Variants in FGF14 observed in about 807,000 individuals in gnomAD.
The protein encoded by FGF14 is fibroblast growth factor 14.
A neutral mutation model predicts 25.5 loss-of-function variants in FGF14; 5 were observed. The ratio of observed to expected loss-of-function variants is 0.20; its 90% CI spans 0.10 to 0.41. FGF14 has a LOEUF of 0.41. Ranked by LOEUF, FGF14 falls within the 10% of genes least tolerant of loss-of-function variation. FGF14 has a pLI of 1.00. For synonymous variants in FGF14, 138 were observed against 118.3 expected (o/e 1.17, Z -1.08); for missense variants, 222 against 320.1 (o/e 0.69, Z 2.34).
intron 3 of FGF14, among the ~76,000 whole-genome samples, chr13:101,856,505 T>C (rs1210587151): frequency 2.0e-5 from 3 of 151,922 alleles, no homozygotes; most frequent in African/African-American, 7.2e-5. Flanking sequence ...AGTGAAATGT[T>C]AAATGGCAAT....
intron 1 of FGF14, among the ~76,000 whole-genome samples, chr13:102,008,254 ATCT>A (rs1391939818): frequency 6.6e-6 from 1 of 152,228 alleles, no homozygotes; most frequent in East Asian, 1.9e-4. Context: ...CAATGGAATG[ATCT>A]TCTGAATATC....
intron 1 of FGF14, among the ~76,000 whole-genome samples, chr13:102,019,950 T>C (rs930106663): frequency 1.3e-5 from 2 of 152,138 alleles, no homozygotes; most frequent in African/African-American, 2.4e-5. Flanking sequence ...AAAGTAATTT[T>C]ATTTTTGTCA....
chr13:101,958,609 C>T (rs929658145), intron 1 of FGF14, among the ~76,000 whole-genome samples: 5 of 152,164 alleles, frequency 3.3e-5, no homozygotes, highest in African/African-American at 7.2e-5. Flanking sequence ...CACAAGTCTT[C>T]GACTCTGACT....
chr13:102,070,206 A>C (rs1271041673), intron 1 of FGF14, among the ~76,000 whole-genome samples: 1 of 152,242 alleles, frequency 6.6e-6, no homozygotes, highest in Non-Finnish European at 1.5e-5. Flanking sequence ...ATCTGATTAC[A>C]AAATGGGCAA....
At chr13:102,264,105 C>G (rs1217430986) in intron 1 of FGF14, among the ~76,000 whole-genome samples, 1 of 151,404 alleles carries the variant, frequency 6.6e-6, no homozygotes, top group African/African-American at 2.4e-5. Context: ...ATTCGGGGAA[C>G]CAATTTTAGA....
At chr13:102,154,702 A>G (rs1453590723) in intron 1 of FGF14, among the ~76,000 whole-genome samples, 1 of 152,210 alleles carries the variant, frequency 6.6e-6, no homozygotes, top group Non-Finnish European at 1.5e-5. Flanking sequence ...AAATGCTCCA[A>G]TTAAAAGACA....
chr13:102,117,511 T>C (rs563070557), intron 1 of FGF14, among the ~76,000 whole-genome samples: 1 of 152,272 alleles, frequency 6.6e-6, no homozygotes, highest in East Asian at 1.9e-4. Context: ...GTAATCAAGG[T>C]AGAAATTTAC....
intron 1 of FGF14, among the ~76,000 whole-genome samples, chr13:102,379,827 GTTTATCT>G (rs2058138125): frequency 6.6e-6 from 1 of 152,004 alleles, no homozygotes; most frequent in African/African-American, 2.4e-5. Flanking sequence ...AAAACAAAAG[GTTTATCT>G]TTTAAGAGAA....
chr13:101,811,004 T>A (rs2041473855), intron 3 of FGF14, among the ~76,000 whole-genome samples: 1 of 151,754 alleles, frequency 6.6e-6, no homozygotes, highest in Non-Finnish European at 1.5e-5. Context: ...ATTTTCCATA[T>A]GCATCCTGCT....
intron 1 of FGF14, among the ~76,000 whole-genome samples, chr13:102,048,452 C>A (rs1489081996): frequency 6.6e-6 from 1 of 152,088 alleles, no homozygotes; most frequent in Non-Finnish European, 1.5e-5. Context: ...ATGTTTTATG[C>A]CCACAACATT....
At chr13:102,051,022 G>T (rs185005153) in intron 1 of FGF14, among the ~76,000 whole-genome samples, 70 of 152,268 alleles carry the variant, frequency 4.6e-4, no homozygotes, top group African/African-American at 1.5e-3. Context: ...TAGCTACCAC[G>T]TCTCCCAAAC....
intron 1 of FGF14, among the ~76,000 whole-genome samples, chr13:102,398,047 TG>T (rs1469453886): frequency 6.6e-6 from 1 of 151,304 alleles, no homozygotes; most frequent in East Asian, 1.9e-4. Flanking sequence ...TGTGTGTGTG[TG>T]TGTTCTCTGA....
At chr13:101,802,502 G>T in intron 3 of FGF14, 1 of 162,880 alleles carries the variant, frequency 6.1e-6, no homozygotes, top group Non-Finnish European at 1.3e-5. Flanking sequence ...GGAGAGTGCT[G>T]TAACTGACAC....
At chr13:101,762,641 C>T (rs949065888) in intron 3 of FGF14, among the ~76,000 whole-genome samples, 3 of 152,182 alleles carry the variant, frequency 2.0e-5, no homozygotes, top group South Asian at 2.1e-4. Flanking sequence ...GCTGGCCCAT[C>T]GGCATTGCTG....
At chr13:101,846,227 A>G (rs2140337408) in intron 3 of FGF14, among the ~76,000 whole-genome samples, 1 of 152,104 alleles carries the variant, frequency 6.6e-6, no homozygotes, top group African/African-American at 2.4e-5. Flanking sequence ...TGTTTTGACC[A>G]CAAAGCTCCA....
intron 3 of FGF14, among the ~76,000 whole-genome samples, chr13:101,830,401 C>A (rs1478145259): frequency 6.6e-6 from 1 of 152,028 alleles, no homozygotes; most frequent in African/African-American, 2.4e-5. Context: ...AAGTACAGGT[C>A]CCTGGCAGGC....
chr13:102,240,817 C>A (rs952340978), intron 1 of FGF14, among the ~76,000 whole-genome samples: 19 of 151,726 alleles, frequency 1.3e-4, no homozygotes, highest in Non-Finnish European at 2.2e-4. Context: ...ATGGAATAAA[C>A]AAAATTAGGA....
intron 1 of FGF14, among the ~76,000 whole-genome samples, chr13:102,212,097 T>A (rs1437409914): frequency 6.6e-6 from 1 of 152,146 alleles, no homozygotes; most frequent in Non-Finnish European, 1.5e-5. Flanking sequence ...TGACCCTGAT[T>A]CCAATTCCCC....
chr13:101,893,486 G>C (rs1182307773), intron 1 of FGF14, among the ~76,000 whole-genome samples: 2 of 152,120 alleles, frequency 1.3e-5, no homozygotes, highest in Admixed American at 1.3e-4. Context: ...CATGGCAAAA[G>C]GGCCTTTGCA....
Sources: gnomAD v4.1 joint callset for allele counts (sites outside exome capture counted in the v4.1 genomes callset) on GRCh38, gnomAD v4.1.1 for gene constraint, MANE v1.5 for transcripts, NCBI Gene and HGNC (gene_info 2026-07-23, HGNC 2026-07-21) for gene names.